SETD3: variants seen among roughly 807,000 people sequenced by gnomAD.
SETD3 encodes the protein actin-histidine N-methyltransferase.
Under a neutral mutation model 63.0 loss-of-function variants are expected in SETD3, and 19 were observed. The observed-to-expected ratio is 0.30, with a 90% CI of 0.21 to 0.44. The LOEUF is 0.44. SETD3 is among the 20% of genes least tolerant of loss of function. SETD3 has a pLI of 1.00. For missense variants in SETD3, 587 were observed against 728.5 expected, an observed-to-expected ratio of 0.81 and a Z score of 2.24; for synonymous variants, 286 against 264.1, an observed-to-expected ratio of 1.08 and a Z score of -0.80.
intron 6 of SETD3, among the ~76,000 whole-genome samples, chr14:99,456,066 G>A (rs1245193416): frequency 6.6e-6 from 1 of 152,208 alleles, no homozygotes; most frequent in Non-Finnish European, 1.5e-5. Flanking sequence ...TGAGGTGGGA[G>A]GATTGCTTGA....
intron 6 of SETD3, among the ~76,000 whole-genome samples, chr14:99,441,749 G>A (rs1324059351): frequency 6.6e-6 from 1 of 152,210 alleles, no homozygotes; most frequent in Non-Finnish European, 1.5e-5. Flanking sequence ...TGAGGCCACA[G>A]CAGGGGCAGG....
chr14:99,448,337 T>A (rs1311367720), intron 6 of SETD3, among the ~76,000 whole-genome samples: 1 of 152,068 alleles, frequency 6.6e-6, no homozygotes, highest in Non-Finnish European at 1.5e-5. Context: ...GGCAGAAGCG[T>A]CATCTGCAGC....
intron 5 of SETD3, 117 bp from the exon 6 acceptor site, chr14:99,458,652 T>TA: frequency 7.6e-7 from 1 of 1,324,370 alleles, no homozygotes; most frequent in Non-Finnish European, 1.0e-6. Flanking sequence ...TAAAGTCAGG[T>TA]ACAGGCTGGG....
chr14:99,453,616 G>C (rs984847785), intron 6 of SETD3, among the ~76,000 whole-genome samples: 5 of 152,128 alleles, frequency 3.3e-5, no homozygotes, highest in Non-Finnish European at 7.4e-5. Context: ...CCAGAGATCA[G>C]GAGTTCGAGA....
intron 1 of SETD3, among the ~76,000 whole-genome samples, chr14:99,480,495 C>T (rs1394558521): frequency 2.6e-5 from 4 of 151,016 alleles, no homozygotes; most frequent in Non-Finnish European, 1.5e-5. Flanking sequence ...CGGGCAGAGG[C>T]CGACCGGCGC....
At chr14:99,423,588 CAAAAAAAAAAAAA>C (rs536996347) in intron 6 of SETD3, among the ~76,000 whole-genome samples, 3 of 36,902 alleles carry the variant, frequency 8.1e-5, no homozygotes, top group Admixed American at 1.2e-3. Flanking sequence ...CACTGTTATG[CAAAAAAAAAAAAA>C]AAAAAAAAAA....
chr14:99,399,494 G>A (rs369949731), intron 12 of SETD3, among the ~76,000 whole-genome samples: 4 of 152,106 alleles, frequency 2.6e-5, no homozygotes, highest in South Asian at 4.1e-4. Context: ...GTGAAGGAAC[G>A]AATAAATGAG....
chr14:99,448,435 C>A (rs1456409693), intron 6 of SETD3, among the ~76,000 whole-genome samples: 3 of 152,164 alleles, frequency 2.0e-5, no homozygotes, highest in African/African-American at 7.2e-5. Flanking sequence ...GCCGCTCCGA[C>A]AGAACAGTTC....
At chr14:99,448,098 C>T (rs1183156193) in intron 6 of SETD3, among the ~76,000 whole-genome samples, 1 of 152,170 alleles carries the variant, frequency 6.6e-6, no homozygotes, top group Non-Finnish European at 1.5e-5. Flanking sequence ...TTGGTGAGCC[C>T]CTGTGGCTAG....
chr14:99,454,095 T>C (rs1183973340), intron 6 of SETD3, among the ~76,000 whole-genome samples: 1 of 152,232 alleles, frequency 6.6e-6, no homozygotes, highest in Non-Finnish European at 1.5e-5. Context: ...TCACTTAACA[T>C]GGTTTTAAAA....
chr14:99,430,124 G>A (rs531762181), intron 6 of SETD3, among the ~76,000 whole-genome samples: 2 of 152,304 alleles, frequency 1.3e-5, no homozygotes, highest in South Asian at 2.1e-4. Context: ...ATGCTCACTC[G>A]AGTTGAATCC....
intron 6 of SETD3, among the ~76,000 whole-genome samples, chr14:99,436,621 T>C (rs1893497598): frequency 6.6e-6 from 1 of 152,198 alleles, no homozygotes; most frequent in South Asian, 2.1e-4. Flanking sequence ...CTTTTCTTAA[T>C]GCAAATTTGC....
At chr14:99,417,467 T>C (rs1825982549) in intron 6 of SETD3, among the ~76,000 whole-genome samples, 1 of 152,256 alleles carries the variant, frequency 6.6e-6, no homozygotes, top group Non-Finnish European at 1.5e-5. Flanking sequence ...ATATTTATAA[T>C]TGACAGATAT....
chr14:99,403,461 T>A (rs991843435), intron 11 of SETD3, among the ~76,000 whole-genome samples: 1,611 of 59,046 alleles, frequency 0.027, 13 homozygotes, highest in African/African-American at 0.061. Flanking sequence ...ACACACTCTC[T>A]CTCTCTCTCT....
chr14:99,485,508 G>T (rs1595302878), upstream of SETD3, among the ~76,000 whole-genome samples: 1 of 152,152 alleles, frequency 6.6e-6, no homozygotes, highest in African/African-American at 2.4e-5. Context: ...CTTTCTTGCT[G>T]TGCTTTTTAT....
intron 1 of SETD3, 66 bp from the exon 2 acceptor site, chr14:99,465,879 C>T (rs1470706378): frequency 2.0e-5 from 20 of 997,390 alleles, no homozygotes; most frequent in Non-Finnish European, 3.1e-5. Context: ...AGTAATAAAA[C>T]ATGTCCAACA....
intron 6 of SETD3, among the ~76,000 whole-genome samples, chr14:99,431,395 A>C (rs761727198): frequency 6.6e-6 from 1 of 152,130 alleles, no homozygotes; most frequent in Non-Finnish European, 1.5e-5. Flanking sequence ...TCTGATTCCA[A>C]CTCTAGCACT....
At chr14:99,415,441 T>G (rs1269873186) in intron 6 of SETD3, among the ~76,000 whole-genome samples, 2 of 152,168 alleles carry the variant, frequency 1.3e-5, no homozygotes, top group African/African-American at 2.4e-5. Context: ...CTCTCAAATT[T>G]CTTTAAGTAG....
At chr14:99,437,148 T>C (rs1186588424) in intron 6 of SETD3, among the ~76,000 whole-genome samples, 1 of 152,204 alleles carries the variant, frequency 6.6e-6, no homozygotes, top group Non-Finnish European at 1.5e-5. Context: ...AGAACAGAAG[T>C]ACCCAGACCT....
Sources: gnomAD v4.1 joint callset for allele counts (sites outside exome capture counted in the v4.1 genomes callset) on GRCh38, gnomAD v4.1.1 for gene constraint, MANE v1.5 for transcripts, NCBI Gene and HGNC (gene_info 2026-07-23, HGNC 2026-07-21) for gene names.